Variants in CSMD1 observed in about 807,000 individuals in gnomAD.
The protein encoded by CSMD1 is CUB and sushi domain-containing protein 1.
Under a neutral mutation model 417.5 loss-of-function variants are expected in CSMD1, and 213 were observed. The ratio of observed to expected loss-of-function variants is 0.51; its 90% CI spans 0.46 to 0.57. CSMD1 has a LOEUF of 0.57. Ranked by LOEUF, CSMD1 falls within the 20% of genes least tolerant of loss-of-function variation. The pLI is 0.00. For missense variants in CSMD1, 6,923 were observed against 4,529.7 expected, an observed-to-expected ratio of 1.53 and a Z score of -15.17; for synonymous variants, 2,862 against 1,736.8, an observed-to-expected ratio of 1.65 and a Z score of -16.11.
rs924704213 is a variant in CSMD1 at position 4,671,555 on chromosome 8, C to A, written c.86-33997G>T. Among the ~76,000 whole-genome samples the A allele has an allele frequency of 5.3e-5, 8 of 152,200 alleles. No individual in the cohort carries two copies. In the East Asian group the frequency reaches 1.5e-3, roughly 29 times the overall value. On this transcript the variant is annotated intron_variant, in intron 1 of 69. Transcript: ENST00000635120. The stretch of plus-strand genomic sequence containing the variant: ...CCAAATAAGCATCACTTTTTCCTCT[C>A]CACGTGAATTCACCAGACACTTTGA...
intron 7 of CSMD1, among the ~76,000 whole-genome samples, chr8:3,662,860 G>A (rs556364294): frequency 6.6e-6 from 1 of 152,116 alleles, no homozygotes; most frequent in Non-Finnish European, 1.5e-5. Flanking sequence ...AAAGAGGGGG[G>A]AGAGCATTAG....
rs186026175 is a variant in CSMD1 at position 3,625,978 on chromosome 8, T to C, written c.1010-9181A>G. ...AAATTAAGCCAAGATGTTTATTTACTATACACATAAAATAAAAAATAGGAA... is the reference window on the plus strand; with the variant it reads ...AAATTAAGCCAAGATGTTTATTTACCATACACATAAAATAAAAAATAGGAA... On this transcript the variant is annotated intron_variant, in intron 7 of 69. Coordinates refer to ENST00000635120, the MANE Select transcript of CSMD1 (RefSeq NM_033225.6). Among the ~76,000 whole-genome samples the C allele has an allele frequency of 1.5e-3, 221 of 152,334 alleles. 1 individual carries two copies. The highest frequency in any genetic ancestry group is 5.0e-3 in the African/African-American group (209 of 41,564).
At position 3,128,511 on chromosome 8, in the gene CSMD1, T is replaced by C. The variant is rs1817628655; in HGVS notation, c.6242-9924A>G. The C allele has an allele frequency of 1.3e-5, 3 of 227,596 alleles. No homozygotes were observed. The South Asian group carries it at 1.7e-4, about 13-fold the overall frequency. 14.1% of individuals were successfully genotyped at this position (227,596 alleles called of 1,614,324 possible). A position where few individuals can be genotyped will look rare whatever the true frequency, so the allele number is the denominator to read the frequency against. ...GAATTCTCTGTATGATTTATGCATC[T>C]TCTTAGGAGTTATTAATTATAAGCT... On this transcript the variant is annotated intron_variant, in intron 41 of 69. Coordinates refer to ENST00000635120, the MANE Select transcript of CSMD1 (RefSeq NM_033225.6).
intron 52 of CSMD1, among the ~76,000 whole-genome samples, chr8:3,017,357 ACT>A (rs2128967620): frequency 6.6e-6 from 1 of 152,218 alleles, no homozygotes; most frequent in African/African-American, 2.4e-5. Context: ...AGGACTTGTG[ACT>A]CTCTACATGA....
chr8:3,585,725 C>T (rs1273552360), intron 9 of CSMD1, among the ~76,000 whole-genome samples: 1 of 152,086 alleles, frequency 6.6e-6, no homozygotes, highest in East Asian at 1.9e-4. Flanking sequence ...CCTTTTATTA[C>T]TTACATAATT....
At chr8:3,434,958 C>G (rs1310845291) in intron 12 of CSMD1, among the ~76,000 whole-genome samples, 3 of 152,134 alleles carry the variant, frequency 2.0e-5, no homozygotes, top group Non-Finnish European at 4.4e-5. Context: ...GTGCTGTTCA[C>G]AGTGGATCCA....
chr8:3,884,165 A>T (rs1437205827), intron 5 of CSMD1, among the ~76,000 whole-genome samples: 1 of 152,226 alleles, frequency 6.6e-6, no homozygotes, highest in African/African-American at 2.4e-5. Flanking sequence ...GGGAAAAATG[A>T]ACTCAGGTGG....
At chr8:4,087,260 G>A (rs1800468637) in intron 3 of CSMD1, among the ~76,000 whole-genome samples, 1 of 152,152 alleles carries the variant, frequency 6.6e-6, no homozygotes, top group South Asian at 2.1e-4. Context: ...TGGTTTCACA[G>A]TTCAACTTCT....
intron 10 of CSMD1, among the ~76,000 whole-genome samples, chr8:3,561,581 T>G (rs7838188): frequency 0.76 from 114,738 of 151,944 alleles, 43,832 homozygotes; most frequent in Non-Finnish European, 0.82. Flanking sequence ...TGGGTACACA[T>G]GGAGATAAGG....
At chr8:4,980,243 G>C (rs748824857) in intron 1 of CSMD1, among the ~76,000 whole-genome samples, 3 of 152,252 alleles carry the variant, frequency 2.0e-5, no homozygotes, top group East Asian at 1.9e-4. Context: ...CAGCTGCCTG[G>C]GTAATCTTAA....
intron 2 of CSMD1, among the ~76,000 whole-genome samples, chr8:4,436,012 C>T (rs114518447): frequency 9.2e-5 from 14 of 152,168 alleles, no homozygotes; most frequent in South Asian, 2.1e-4. Flanking sequence ...TAACTTCATA[C>T]GCAGCAGCTT....
At chr8:4,292,650 C>G (rs1224628684) in intron 3 of CSMD1, among the ~76,000 whole-genome samples, 1 of 152,092 alleles carries the variant, frequency 6.6e-6, no homozygotes, top group African/African-American at 2.4e-5. Context: ...CTTGCATCAT[C>G]AACATGTTTC....
chr8:3,506,451 C>A (rs554406077), intron 10 of CSMD1, among the ~76,000 whole-genome samples: 9 of 152,242 alleles, frequency 5.9e-5, no homozygotes, highest in South Asian at 4.1e-4. Flanking sequence ...CACATTCTCA[C>A]CACTGGTCAT....
chr8:3,688,201 C>T (rs1296772685), intron 7 of CSMD1, among the ~76,000 whole-genome samples: 1 of 152,160 alleles, frequency 6.6e-6, no homozygotes, highest in African/African-American at 2.4e-5. Context: ...ACAATGAATA[C>T]TTGTTGCATG....
At chr8:4,129,272 C>T (rs1189320493) in intron 3 of CSMD1, among the ~76,000 whole-genome samples, 1 of 152,072 alleles carries the variant, frequency 6.6e-6, no homozygotes, top group Non-Finnish European at 1.5e-5. Context: ...TTCAGATCTG[C>T]TGTCAACAAA....
chr8:4,670,369 G>A (rs1805219286), intron 1 of CSMD1, among the ~76,000 whole-genome samples: 1 of 152,092 alleles, frequency 6.6e-6, no homozygotes, highest in African/African-American at 2.4e-5. Flanking sequence ...GGCTAATAAT[G>A]AAATACATGT....
intron 6 of CSMD1, among the ~76,000 whole-genome samples, chr8:3,720,025 T>C (rs1036932266): frequency 6.6e-6 from 1 of 152,188 alleles, no homozygotes; most frequent in African/African-American, 2.4e-5. Context: ...CCTAGTGCAA[T>C]GTCTAGCCTG....
intron 2 of CSMD1, among the ~76,000 whole-genome samples, chr8:4,619,338 A>G (rs1395568691): frequency 3.9e-5 from 6 of 152,208 alleles, no homozygotes; most frequent in Admixed American, 2.0e-4. Context: ...TTTAATTAAC[A>G]AAGGGAATGT....
chr8:4,645,575 T>C (rs148642730), intron 1 of CSMD1, among the ~76,000 whole-genome samples: 2,254 of 152,034 alleles, frequency 0.015, 20 homozygotes, highest in Middle Eastern at 0.027. Context: ...GAGCCCCAGT[T>C]TCCACAGGTG....
Sources: gnomAD v4.1 joint callset for allele counts (sites outside exome capture counted in the v4.1 genomes callset) on GRCh38, gnomAD v4.1.1 for gene constraint, MANE v1.5 for transcripts, NCBI Gene and HGNC (gene_info 2026-07-23, HGNC 2026-07-21) for gene names.